The following COMMD10 variants were observed in gnomAD, a reference collection of about 807,000 sequenced individuals.
The protein encoded by COMMD10 is COMM domain containing 10.
COMMD10 carries 33 observed loss-of-function variants against 28.9 expected under a neutral mutation model. The observed-to-expected ratio is 1.14, with a 90% CI of 0.87 to 1.53. The LOEUF is 1.53. Ranked by LOEUF, COMMD10 falls within the 40% of genes most tolerant of loss-of-function variation. COMMD10 has a pLI of 0.00. For missense variants in COMMD10, 310 were observed against 233.4 expected (o/e 1.33, Z -2.14); for synonymous variants, 110 against 81.7 (o/e 1.35, Z -1.87).
At chr5:116,116,686 T>C (rs886450731) in intron 4 of COMMD10, among the ~76,000 whole-genome samples, 10 of 151,504 alleles carry the variant, frequency 6.6e-5, no homozygotes, top group Non-Finnish European at 1.5e-4. Flanking sequence ...AATGTTTATC[T>C]GCAGTAAAAT....
At chr5:116,265,734 T>C (rs1301546774) in intron 5 of COMMD10, among the ~76,000 whole-genome samples, 2 of 151,840 alleles carry the variant, frequency 1.3e-5, no homozygotes, top group African/African-American at 4.8e-5. Context: ...TGTTATGCCA[T>C]ATTACAAATG....
intron 1 of COMMD10, among the ~76,000 whole-genome samples, chr5:116,086,049 G>A (rs1355749610): frequency 6.6e-6 from 1 of 152,116 alleles, no homozygotes; most frequent in Non-Finnish European, 1.5e-5. Context: ...TGAGCATAGG[G>A]GCTGAAGGGC....
intron 5 of COMMD10, among the ~76,000 whole-genome samples, chr5:116,143,069 G>GTTTTT (rs375227609): frequency 2.7e-4 from 35 of 130,978 alleles, no homozygotes; most frequent in Non-Finnish European, 4.0e-4. Flanking sequence ...TGTGTTTTTG[G>GTTTTT]TTTTTTTTTT....
chr5:116,170,298 T>A (rs1184165124), intron 5 of COMMD10, among the ~76,000 whole-genome samples: 1 of 152,152 alleles, frequency 6.6e-6, no homozygotes, highest in Non-Finnish European at 1.5e-5. Flanking sequence ...GAAAGACCTC[T>A]TCAAGGGGAA....
chr5:116,095,997 T>G (rs1750455284), intron 4 of COMMD10, among the ~76,000 whole-genome samples: 6 of 152,136 alleles, frequency 3.9e-5, no homozygotes, highest in Admixed American at 3.9e-4. Flanking sequence ...TCACACTGCC[T>G]TAATTATTAT....
Position 116,264,822 on chromosome 5 carries a change from A to G in COMMD10, c.511-26695A>G, listed in dbSNP as rs1299017807. The stretch of plus-strand genomic sequence containing the variant: ...AATGCAAAGTACGGTCAGTTCTTTT[A>G]GCCTAAGACATTATTTGATTTTTAT... On this transcript the variant is annotated intron_variant, in intron 5 of 6. Transcript: ENST00000274458. 2.6e-5 allele frequency among the ~76,000 whole-genome samples: 4 copies of G among 151,970 alleles called. No individual in the cohort carries two copies. The East Asian group carries it at 7.7e-4, about 29-fold the overall frequency.
chr5:116,092,848 C>A, intron 4 of COMMD10, 148 bp downstream of exon 4: 1 of 497,702 alleles, frequency 2.0e-6, no homozygotes, highest in South Asian at 4.3e-5. Flanking sequence ...AATGGCCTTA[C>A]ATCCTGATAG....
chr5:116,159,968 T>C (rs1752862652), intron 5 of COMMD10, among the ~76,000 whole-genome samples: 1 of 152,216 alleles, frequency 6.6e-6, no homozygotes, highest in African/African-American at 2.4e-5. Context: ...CATTGTATTA[T>C]GACTTTTCAG....
intron 4 of COMMD10, among the ~76,000 whole-genome samples, chr5:116,105,388 A>G (rs995920901): frequency 6.6e-6 from 1 of 152,142 alleles, no homozygotes; most frequent in African/African-American, 2.4e-5. Flanking sequence ...TTTTGCATTG[A>G]TGTTCATCAG....
At chr5:116,170,883 C>T (rs1232855584) in intron 5 of COMMD10, among the ~76,000 whole-genome samples, 1 of 152,080 alleles carries the variant, frequency 6.6e-6, no homozygotes. Context: ...CATAAAAACC[C>T]TAGGAAAAAA....
At chr5:116,160,205 T>C (rs544229321) in intron 5 of COMMD10, among the ~76,000 whole-genome samples, 155 of 152,354 alleles carry the variant, frequency 1.0e-3, no homozygotes, top group Non-Finnish European at 1.9e-3. Flanking sequence ...GGAGAGACTG[T>C]AATGAGTATT....
intron 5 of COMMD10, among the ~76,000 whole-genome samples, chr5:116,275,828 A>G (rs1017655174): frequency 6.6e-6 from 1 of 151,616 alleles, no homozygotes; most frequent in African/African-American, 2.4e-5. Context: ...TAATGGCCAG[A>G]TTTGCTTCAC....
chr5:116,112,684 G>A (rs1036140292), intron 4 of COMMD10, among the ~76,000 whole-genome samples: 4 of 152,210 alleles, frequency 2.6e-5, no homozygotes, highest in East Asian at 1.9e-4. Context: ...ATGAGCCACC[G>A]CTATATGGCC....
At chr5:116,162,460 A>C (rs1256991980) in intron 5 of COMMD10, among the ~76,000 whole-genome samples, 1 of 152,226 alleles carries the variant, frequency 6.6e-6, no homozygotes, top group African/African-American at 2.4e-5. Flanking sequence ...CAGAAGTTGC[A>C]TAATAGCTGC....
At chr5:116,181,099 G>C (rs1747941800) in intron 5 of COMMD10, among the ~76,000 whole-genome samples, 1 of 152,022 alleles carries the variant, frequency 6.6e-6, no homozygotes, top group South Asian at 2.1e-4. Context: ...AGCTGAGATT[G>C]TGCCACTGTA....
chr5:116,114,893 G>A (rs1197579317), intron 4 of COMMD10, among the ~76,000 whole-genome samples: 1 of 152,086 alleles, frequency 6.6e-6, no homozygotes, highest in Non-Finnish European at 1.5e-5. Flanking sequence ...CTGCTTTGGC[G>A]GCTCTTATTC....
In COMMD10 at chr5:116,292,647, C is replaced by A; in HGVS notation, c.*158C>A. The A allele has an allele frequency of 2.0e-6, 1 of 490,156 alleles. No homozygotes were observed. The highest frequency in any genetic ancestry group is 3.6e-6 in the Non-Finnish European group (1 of 279,628). The allele number at this position is 490,156 out of a possible 1,614,324, so 30.4% of individuals were successfully genotyped here. A position where few individuals can be genotyped will look rare whatever the true frequency, so the allele number is the denominator to read the frequency against. On this transcript the variant is annotated 3_prime_UTR_variant, in exon 7 of 7. Coordinates refer to ENST00000274458, the MANE Select transcript of COMMD10 (RefSeq NM_016144.4). Reference sequence around the variant, plus strand: ...TAGACAAATAACAACCAATAGAGATCATTGTTAAGAATACTGAGGTTCTAA... The same window carrying A: ...TAGACAAATAACAACCAATAGAGATAATTGTTAAGAATACTGAGGTTCTAA...
intron 4 of COMMD10, among the ~76,000 whole-genome samples, chr5:116,125,456 G>A (rs1043031708): frequency 1.3e-5 from 2 of 152,122 alleles, no homozygotes; most frequent in African/African-American, 4.8e-5. Flanking sequence ...TGGGTAACCC[G>A]ACCTTTGTCT....
chr5:116,127,287 A>G (rs1252299138), intron 4 of COMMD10, among the ~76,000 whole-genome samples: 2 of 152,214 alleles, frequency 1.3e-5, no homozygotes, highest in African/African-American at 4.8e-5. Context: ...CAGGTGCTGA[A>G]GAGGATGTGG....
Sources: gnomAD v4.1 joint callset for allele counts (sites outside exome capture counted in the v4.1 genomes callset) on GRCh38, gnomAD v4.1.1 for gene constraint, MANE v1.5 for transcripts, NCBI Gene and HGNC (gene_info 2026-07-23, HGNC 2026-07-21) for gene names.